Variants in KIF15 observed in about 807,000 individuals in gnomAD.
KIF15 encodes kinesin-like protein KIF15.
Under a neutral mutation model 190.6 loss-of-function variants are expected in KIF15, and 140 were observed. The ratio of observed to expected loss-of-function variants is 0.73; its 90% CI spans 0.64 to 0.84. The LOEUF (loss-of-function observed/expected upper bound fraction) is 0.84, where lower values mean the gene tolerates loss of function less well. Ranked by LOEUF, KIF15 falls within the 40% of genes least tolerant of loss-of-function variation. The pLI, the probability that KIF15 is intolerant of heterozygous loss-of-function variation, is 0.00. For missense variants in KIF15, 1,372 were observed against 1,584.4 expected (o/e 0.87, Z 2.28); for synonymous variants, 528 against 551.3 (o/e 0.96, Z 0.59).
At chr3:44,836,066 G>A (rs1698293747) in intron 26 of KIF15, among the ~76,000 whole-genome samples, 1 of 152,154 alleles carries the variant, frequency 6.6e-6, no homozygotes, top group Non-Finnish European at 1.5e-5. Flanking sequence ...CAAAAGGAGG[G>A]ATGGGCACGG....
intron 22 of KIF15, chr3:44,826,951 G>C (rs373739582): frequency 2.1e-4 from 94 of 452,416 alleles, no homozygotes; most frequent in African/African-American, 1.8e-3. Context: ...TGTTTATTCA[G>C]TAGGTACTTA....
chr3:44,814,405 G>T (rs1707935263), intron 19 of KIF15, among the ~76,000 whole-genome samples: 1 of 152,044 alleles, frequency 6.6e-6, no homozygotes, highest in South Asian at 2.1e-4. Context: ...CAACTCCCAG[G>T]CTCAAGCGAT....
intron 21 of KIF15, 79 bp downstream of exon 21, chr3:44,826,268 T>C (rs773619542): frequency 3.1e-5 from 48 of 1,555,654 alleles, no homozygotes; most frequent in Non-Finnish European, 3.9e-5. Context: ...CTTTCCTCCT[T>C]CTTTGCTATA....
At chr3:44,775,483 G>T in intron 3 of KIF15, 46 bp downstream of exon 3, 1 of 1,395,032 alleles carries the variant, frequency 7.2e-7, no homozygotes, top group East Asian at 2.3e-5. Flanking sequence ...TTGAAAAGGA[G>T]TCTCACTCTG....
At chr3:44,792,215 C>A (rs1055070728) in intron 7 of KIF15, among the ~76,000 whole-genome samples, 4 of 152,032 alleles carry the variant, frequency 2.6e-5, no homozygotes, top group Admixed American at 1.3e-4. Context: ...GTGGCTTACT[C>A]CTGTAATCCC....
chr3:44,866,680 A>T (rs1233412027), intron 6 of KIF15, among the ~76,000 whole-genome samples: 1 of 152,216 alleles, frequency 6.6e-6, no homozygotes, highest in Non-Finnish European at 1.5e-5. Flanking sequence ...TACTGTGGTC[A>T]GCACAATTGA....
chr3:44,840,216 A>G (rs1345676902), intron 27 of KIF15, 139 bp from the exon 28 acceptor site: 1 of 537,532 alleles, frequency 1.9e-6, no homozygotes, highest in Non-Finnish European at 3.3e-6. Context: ...AGCCATCCCT[A>G]TCAGGTGCGA....
In KIF15 at chr3:44,762,775, C is replaced by T. The variant is rs74757256; in HGVS notation, c.19+891C>T. 3.1e-3 allele frequency among the ~76,000 whole-genome samples: 476 copies of T among 152,282 alleles called. 1 individual carries two copies. Among genetic ancestry groups the T allele is most frequent in the Non-Finnish European group, 4.6e-3 (313 of 68,018 alleles). On this transcript the variant is annotated intron_variant, in intron 1 of 34. Transcript: ENST00000326047. ...CATTAATCTTTTAGGTCGATCACAC[C>T]TAATCGGAACACCTCCTTATGCTAC...
chr3:44,834,866 G>C (rs1698232461), intron 26 of KIF15, among the ~76,000 whole-genome samples: 1 of 151,636 alleles, frequency 6.6e-6, no homozygotes, highest in South Asian at 2.1e-4. Context: ...CTAGGAGGCA[G>C]AGGTTGCAGT....
chr3:44,852,286 CAGA>C lies in KIF15; in HGVS notation c.4055_4057del (p.Lys1352del). ...GTTGGTAGGTCACCAAAATTTGCATCAGAAGATTCAGTACGTAGTGCGACTAAA... is the reference window on the plus strand; with the variant it reads ...GTTGGTAGGTCACCAAAATTTGCATCAGATTCAGTACGTAGTGCGACTAAA... On this transcript the variant is annotated inframe_deletion, in exon 34 of 35. Transcript: ENST00000326047. 1 of 1,613,370 alleles carries C rather than the reference CAGA, an allele frequency of 6.2e-7. No homozygotes were observed. The highest frequency in any genetic ancestry group is 8.5e-7 in the Non-Finnish European group (1 of 1,179,540).
intron 1 of KIF15, among the ~76,000 whole-genome samples, chr3:44,768,635 C>A (rs1705513366): frequency 6.6e-6 from 1 of 152,134 alleles, no homozygotes; most frequent in African/African-American, 2.4e-5. Context: ...TTGGCTGTCT[C>A]CTGTCTCTAT....
In KIF15 at chr3:44,851,858, G is replaced by T; in HGVS notation, c.3878G>T (p.Arg1293Leu). 1.2e-6 allele frequency: 2 copies of T among 1,613,968 alleles called. No individual in the cohort carries two copies. The highest frequency in any genetic ancestry group is 1.7e-6 in the Non-Finnish European group (2 of 1,179,918). The change falls in exon 33 of 35, where the codon CGA becomes CTA. Residue 1293 changes from arginine to leucine, a missense_variant. Coordinates refer to ENST00000326047, the MANE Select transcript of KIF15 (RefSeq NM_020242.3). ...ECLRMTDEVE[R>L]TQTLESKAFQ... ...CTTAGAATGACTGATGAAGTCGAACGAACCCAAACTTTGGAGTCTAAAGCA... is the reference window on the plus strand; with the variant it reads ...CTTAGAATGACTGATGAAGTCGAACTAACCCAAACTTTGGAGTCTAAAGCA...
chr3:44,781,009 T>A, intron 5 of KIF15, 87 bp downstream of exon 5: 1 of 970,898 alleles, frequency 1.0e-6, no homozygotes, highest in Admixed American at 2.2e-5. Context: ...GCATAATTTC[T>A]ATATATGATG....
chr3:44,789,864 C>T (rs1329804050), intron 7 of KIF15, among the ~76,000 whole-genome samples: 1 of 151,646 alleles, frequency 6.6e-6, no homozygotes, highest in African/African-American at 2.4e-5. Flanking sequence ...ATAAAAGCAT[C>T]ACCAAACTTC....
intron 20 of KIF15, among the ~76,000 whole-genome samples, chr3:44,823,976 G>A (rs6767439): frequency 0.012 from 1,775 of 152,276 alleles, 31 homozygotes; most frequent in African/African-American, 0.039. Flanking sequence ...TCCTGGGTGA[G>A]GCGACGCCCA....
At position 44,794,245 on chromosome 3, in the gene KIF15, G is replaced by A. The variant is rs745325493; in HGVS notation, c.668G>A (p.Arg223His). The change falls in exon 8 of 35, where the codon CGT becomes CAT. Residue 223 changes from arginine (R) to histidine (H), a missense_variant. By Grantham distance (29) the Arg-to-His change is conservative. Transcript: ENST00000326047. ...QVLSGGWRNR[R>H]VASTSMNRES... ...TTGTCTGGAGGATGGAGGAATAGAC[G>A]TGTGGCATCAACATCAATGAACAGA... The A allele has an allele frequency of 3.7e-6, 6 of 1,613,646 alleles. No homozygotes were observed. The highest frequency in any genetic ancestry group is 2.2e-5 in the East Asian group (1 of 44,872).
chr3:44,797,831 C>T lies in KIF15; in HGVS notation c.976-3C>T. On this transcript the variant is annotated splice_polypyrimidine_tract_variant and splice_region_variant and intron_variant, in intron 9 of 34. Coordinates refer to ENST00000326047, the MANE Select transcript of KIF15 (RefSeq NM_020242.3). ...AAATATGTTCATTCCTATCATTAAA[C>T]AGGATTCCCTTGGAGGTAATGCCAA... The T allele has an allele frequency of 6.2e-7, 1 of 1,611,342 alleles. No homozygotes were observed. Among genetic ancestry groups the T allele is most frequent in the Non-Finnish European group, 8.5e-7 (1 of 1,179,274 alleles).
intron 1 of KIF15, among the ~76,000 whole-genome samples, chr3:44,762,164 C>T (rs1287066434): frequency 6.6e-6 from 1 of 152,188 alleles, no homozygotes; most frequent in African/African-American, 2.4e-5. Flanking sequence ...CCTTTCTTTC[C>T]CTTGGTTCTG....
intron 29 of KIF15, among the ~76,000 whole-genome samples, chr3:44,842,829 C>T (rs6441868): frequency 0.042 from 6,345 of 152,222 alleles, 341 homozygotes; most frequent in African/African-American, 0.12. Context: ...TAGTTGAGAA[C>T]ATTTTTCAAT....
Sources: allele counts gnomAD v4.1 joint callset (sites outside exome capture counted in the v4.1 genomes callset), GRCh38; gene constraint gnomAD v4.1.1; transcripts MANE v1.5; gene names NCBI Gene and HGNC (gene_info 2026-07-23, HGNC 2026-07-21).